The following SEPTIN4 variants were observed in gnomAD, a reference collection of about 807,000 sequenced individuals.
SEPTIN4 encodes septin 4, also known as septin-4.
A neutral mutation model predicts 107.1 loss-of-function variants in SEPTIN4; 52 were observed. The observed-to-expected ratio is 0.49, with a 90% CI of 0.39 to 0.61. The LOEUF is 0.61. SEPTIN4 is among the 20% of genes least tolerant of loss of function. SEPTIN4 has a pLI of 0.00. For missense variants in SEPTIN4, 1,048 were observed against 1,243.5 expected (o/e 0.84, Z 2.36); for synonymous variants, 417 against 467.0 (o/e 0.89, Z 1.38).
rs973130614 is a variant in SEPTIN4, at chr17:58,542,904, C to T, written c.1283G>A (p.Trp428Ter). 6.2e-7 allele frequency: 1 copy of T among 1,614,052 alleles called. No homozygotes were observed. Among genetic ancestry groups the T allele is most frequent in the East Asian group, 2.2e-5 (1 of 44,890 alleles). ...LPRYGPDSSW[W>*]PLLNPEVETP... ...TTCAACTTCAGGATTCAGCAAGGGC[C>T]ACCATGAGGAGTCAGGTCCGTACCT... Residue 428 changes from tryptophan (W) to a stop codon, truncating the protein, a stop_gained, in exon 1 of 14, where the codon TGG (tryptophan) becomes TAG (stop). Coordinates refer to ENST00000672673, the MANE Select transcript of SEPTIN4 (RefSeq NM_001368771.2). LOFTEE classifies it high-confidence loss of function.
chr17:58,541,979 G>C lies in SEPTIN4; in HGVS notation c.1562-13C>G. The C allele has an allele frequency of 6.2e-7, 1 of 1,613,164 alleles. No homozygotes were observed. Among genetic ancestry groups the C allele is most frequent in the African/African-American group, 1.3e-5 (1 of 75,028 alleles). On this transcript the variant is annotated splice_polypyrimidine_tract_variant and intron_variant, in intron 1 of 13. Coordinates refer to ENST00000672673, the MANE Select transcript of SEPTIN4 (RefSeq NM_001368771.2). ...TCCTCAGAGACATCTGAAAGTAACA[G>C]AGAGATGGTTGCTTTTCTTCTCTCT...
rs1240827285 is a variant in SEPTIN4, at chr17:58,543,919, T to C, written c.268A>G (p.Thr90Ala). The change falls in exon 1 of 14, where the codon ACT (threonine) becomes GCT (alanine). Residue 90 changes from threonine (T) to alanine (A), a missense_variant. This residue lies in a region of SEPTIN4 where 787 missense variants were observed against 871.8 expected (regional missense o/e 0.90). Coordinates refer to ENST00000672673, the MANE Select transcript of SEPTIN4 (RefSeq NM_001368771.2). ...CGGGATGATTCTGTTCTTGGTCCAG[T>C]CTCGGGTCCCCGAGGAGTGGGTACT... Reference protein sequence around the residue: ...YAVPTPRGPETGPRTESSRHS... With the variant: ...YAVPTPRGPEAGPRTESSRHS... The C allele has an allele frequency of 5.0e-6, 8 of 1,613,892 alleles. No individual in the cohort carries two copies. Among genetic ancestry groups the C allele is most frequent in the Non-Finnish European group, 5.9e-6 (7 of 1,179,968 alleles).
chr17:58,532,089 G>C (rs1412853599), intron 3 of SEPTIN4: 2 of 1,078,160 alleles, frequency 1.9e-6, no homozygotes, highest in Non-Finnish European at 2.2e-6. Context: ...CGCTGCGGGA[G>C]GGGCCCGGCG....
chr17:58,534,920 C>T lies in SEPTIN4; in HGVS notation c.1614+5746G>A, dbSNP rs143649648. On this transcript the variant is annotated intron_variant, in intron 3 of 13. Transcript: ENST00000672673. ...CAAAGCCGATAATAAAGAGCAATTA[C>T]CACAGGAAATCAGGATTTCAGATCT... Among the ~76,000 whole-genome samples, 298 of 152,358 alleles carry T rather than the reference C, an allele frequency of 2.0e-3. 2 individuals carry two copies. Among genetic ancestry groups the T allele is most frequent in the African/African-American group, 6.7e-3 (278 of 41,582 alleles).
chr17:58,531,190 C>T (rs1167592011), intron 3 of SEPTIN4: 4 of 152,366 alleles, frequency 2.6e-5, no homozygotes, highest in Non-Finnish European at 4.4e-5. Context: ...TACCTGGGCA[C>T]CTCCAGGGAG....
chr17:58,541,728 T>C (rs951327242), intron 2 of SEPTIN4, 194 bp downstream of exon 2: 1 of 1,486,546 alleles, frequency 6.7e-7, no homozygotes, highest in South Asian at 1.3e-5. Flanking sequence ...ATGGAAAAGG[T>C]TCCAAGCCCC....
In SEPTIN4 at chr17:58,526,139, T is replaced by C. The variant is rs758653371; in HGVS notation, c.2005+81A>G. The C allele has an allele frequency of 5.3e-6, 7 of 1,326,576 alleles. No individual in the cohort carries two copies. The Admixed American group carries it at 1.5e-4, about 28-fold the overall frequency. 82.2% of individuals were successfully genotyped at this position (1,326,576 alleles called of 1,614,324 possible). A position where few individuals can be genotyped will look rare whatever the true frequency, so the allele number is the denominator to read the frequency against. On this transcript the variant is annotated intron_variant, in intron 5 of 13. Coordinates refer to ENST00000672673, the MANE Select transcript of SEPTIN4 (RefSeq NM_001368771.2). ...CTCGCTGCTTGCTCCCTGCGACCTA[T>C]ACTCCCTTCCCACTCACGGACACAC...
rs755895532 is a variant in SEPTIN4 at position 58,543,794 on chromosome 17, T to C, written c.393A>G (p.Ala131=). Residue 131 remains alanine (A), a synonymous_variant, in exon 1 of 14, where the codon GCA becomes GCG. Coordinates refer to ENST00000672673, the MANE Select transcript of SEPTIN4 (RefSeq NM_001368771.2). ...CTGACTTGCTCTCACTGCCTCTTCGTGCTGCTTCCTCTCTGGGTGGACTAA... is the reference window on the plus strand; with the variant it reads ...CTGACTTGCTCTCACTGCCTCTTCGCGCTGCTTCCTCTCTGGGTGGACTAA... ...WKVSPPREEA[A]RRGSESKSGR... The C allele has an allele frequency of 1.2e-6, 2 of 1,614,114 alleles. No individual in the cohort carries two copies. Among genetic ancestry groups the C allele is most frequent in the East Asian group, 4.5e-5 (2 of 44,900 alleles).
chr17:58,520,565 C>A, intron 13 of SEPTIN4, 80 bp from the exon 14 acceptor site: 1 of 1,579,066 alleles, frequency 6.3e-7, no homozygotes, highest in South Asian at 1.1e-5. Context: ...TTTCTAATCC[C>A]TTAAGCCAGA....
chr17:58,529,081 TCACGTCCACCCATCTC>T lies in SEPTIN4; in HGVS notation c.1615-2119_1615-2104del, dbSNP rs751208380. 11 of 1,612,144 alleles carry T rather than the reference TCACGTCCACCCATCTC, an allele frequency of 6.8e-6. No homozygotes were observed. The Admixed American group carries it at 1.8e-4, about 27-fold the overall frequency. ...CCAGCCAAGGCAGGGGGAAGACAGG[TCACGTCCACCCATCTC>T]CCAGAGCAGCACCTTACCCCAGCTT... On this transcript the variant is annotated intron_variant, in intron 3 of 13. Coordinates refer to ENST00000672673, the MANE Select transcript of SEPTIN4 (RefSeq NM_001368771.2).
chr17:58,543,148 T>G lies in SEPTIN4; in HGVS notation c.1039A>C (p.Thr347Pro), dbSNP rs780338375. The G allele has an allele frequency of 6.2e-7, 1 of 1,612,614 alleles. No homozygotes were observed. Among genetic ancestry groups the G allele is most frequent in the South Asian group, 1.1e-5 (1 of 90,962 alleles). ...ACTGATGGAACTGTCACATGGTGAG[T>G]TGGCTCTACTGACTGTACCCCTGGG... ...ISPGVQSVEP[T>P]HHVTVPSVSE... Residue 347 changes from threonine (T) to proline (P), a missense_variant, in exon 1 of 14, where the codon ACT (threonine) becomes CCT (proline). Physicochemically the swap from Thr to Pro is conservative, Grantham distance 38. Coordinates refer to ENST00000672673, the MANE Select transcript of SEPTIN4 (RefSeq NM_001368771.2).
chr17:58,526,838 C>T lies in SEPTIN4; in HGVS notation c.1755G>A (p.Gln585=), dbSNP rs2042959075. The part of the protein sequence containing the change: ...SRPQVPEPRP[Q]APDLYDDDLE... ...GGTCATCATCATAGAGGTCCGGGGC[C>T]TGGGGCCTTGGCTCCGGGACTTGGG... The change falls in exon 4 of 14, where the codon CAG becomes CAA. Residue 585 remains glutamine (Q), a synonymous_variant. Transcript: ENST00000672673. The T allele has an allele frequency of 2.5e-6, 4 of 1,613,744 alleles. No homozygotes were observed. The East Asian group carries it at 8.9e-5, about 36-fold the overall frequency.
chr17:58,533,698 A>C (rs913832015), intron 3 of SEPTIN4, among the ~76,000 whole-genome samples: 5 of 152,158 alleles, frequency 3.3e-5, no homozygotes, highest in South Asian at 2.1e-4. Flanking sequence ...GAAAACAAAG[A>C]CATAAAGAGA....
At chr17:58,530,761 G>A (rs2043384962) in intron 3 of SEPTIN4, 1 of 152,534 alleles carries the variant, frequency 6.6e-6, no homozygotes, top group South Asian at 2.1e-4. Context: ...GGGAGAAGTG[G>A]GGGAAAGGAA....
intron 6 of SEPTIN4, 80 bp from the exon 7 acceptor site, chr17:58,525,281 T>C (rs956622189): frequency 1.3e-6 from 2 of 1,565,264 alleles, no homozygotes; most frequent in African/African-American, 2.7e-5. Context: ...CAACCAGCCT[T>C]GTTGCTCAGA....
In SEPTIN4 at chr17:58,521,902, G is replaced by A. The variant is rs372683798; in HGVS notation, c.2352-49C>T. The A allele has an allele frequency of 6.2e-7, 1 of 1,614,088 alleles. No individual in the cohort carries two copies. Among genetic ancestry groups the A allele is most frequent in the African/African-American group, 1.3e-5 (1 of 74,934 alleles). ...ACCTGCTAGTGGCAGCCCTGCCCCT[G>A]GTGCTCTTGGCCTGTTCCCTTGACA... On this transcript the variant is annotated intron_variant, in intron 8 of 13. Coordinates refer to ENST00000672673, the MANE Select transcript of SEPTIN4 (RefSeq NM_001368771.2). The surrounding 1 kb of genome is among the most constrained non-coding windows in gnomAD (Gnocchi z 6.4).
intron 3 of SEPTIN4, chr17:58,529,479 G>A (rs2043273556): frequency 7.8e-7 from 1 of 1,285,480 alleles, no homozygotes; most frequent in South Asian, 1.7e-5. Context: ...GCTGTCCCAT[G>A]ACGCCTGCCT....
At chr17:58,523,848 C>T (rs758981434) in intron 7 of SEPTIN4, among the ~76,000 whole-genome samples, 28 of 152,014 alleles carry the variant, frequency 1.8e-4, no homozygotes, top group Non-Finnish European at 3.8e-4. Flanking sequence ...CTTTTCAGTG[C>T]GCATGCATCA....
rs1202570216 is a variant in SEPTIN4, at chr17:58,526,612, A to ACACT, written c.1911+69_1911+70insAGTG. Reference sequence around the variant, plus strand: ...CACACACACACACACACACACACACACTCTGCTCCCTGCCCCCGGTCTTCC... The same window carrying ACACT: ...CACACACACACACACACACACACACACACTCTCTGCTCCCTGCCCCCGGTCTTCC... On this transcript the variant is annotated intron_variant, in intron 4 of 13. Transcript: ENST00000672673. The ACACT allele has an allele frequency of 1.9e-5, 28 of 1,501,512 alleles. No homozygotes were observed. The East Asian group carries it at 2.1e-4, about 11-fold the overall frequency. The allele number at this position is 1,501,512 out of a possible 1,614,324, so 93.0% of individuals were successfully genotyped here.
Sources: allele counts gnomAD v4.1 joint callset (sites outside exome capture counted in the v4.1 genomes callset), GRCh38; gene constraint gnomAD v4.1.1; regional missense constraint gnomAD v4.1.1; non-coding constraint Gnocchi (gnomAD v3.1); transcripts MANE v1.5; gene names NCBI Gene and HGNC (gene_info 2026-07-23, HGNC 2026-07-21).